The following PTPRN2 variants were observed in gnomAD, a reference collection of about 807,000 sequenced individuals.
PTPRN2 encodes receptor-type tyrosine-protein phosphatase N2.
In PTPRN2, 74 loss-of-function variants were observed where a neutral mutation model predicts 118.8. The ratio of observed to expected loss-of-function variants is 0.62; its 90% confidence interval spans 0.52 to 0.76. PTPRN2 has a LOEUF of 0.76. Ranked by LOEUF, PTPRN2 falls within the 30% of genes least tolerant of loss-of-function variation. The pLI, the probability that PTPRN2 is intolerant of heterozygous loss-of-function variation, is 0.00. For synonymous variants in PTPRN2, 641 were observed against 608.0 expected (o/e 1.05, Z -0.80); for missense variants, 1,481 against 1,394.4 (o/e 1.06, Z -0.99).
intron 2 of PTPRN2, among the ~76,000 whole-genome samples, chr7:158,341,565 C>A (rs370525690): frequency 1.7e-5 from 2 of 114,588 alleles, no homozygotes; most frequent in Admixed American, 9.4e-5. Flanking sequence ...TCACTCACAC[C>A]CACACTCTCA....
intron 6 of PTPRN2, among the ~76,000 whole-genome samples, chr7:158,150,861 T>C (rs1820947192): frequency 6.6e-6 from 1 of 151,994 alleles, no homozygotes; most frequent in Non-Finnish European, 1.5e-5. Context: ...TCCTTTCTGT[T>C]CTTCCAACCC....
In PTPRN2 at chr7:158,272,521, G is replaced by C. The variant is rs368272941; in HGVS notation, c.277+44298C>G. Reference sequence around the variant, plus strand: ...TTGCCCAGAAAATACAGTCTGCATGGAACTTCCACATCCCCTCACTCTCTA... The same window carrying C: ...TTGCCCAGAAAATACAGTCTGCATGCAACTTCCACATCCCCTCACTCTCTA... On this transcript the variant is annotated intron_variant, in intron 3 of 22. Coordinates refer to ENST00000389418, the MANE Select transcript of PTPRN2 (RefSeq NM_002847.5). Among the ~76,000 whole-genome samples the C allele has an allele frequency of 1.6e-4, 24 of 152,248 alleles. No individual in the cohort carries two copies. The East Asian group carries it at 2.5e-3, about 16-fold the overall frequency.
At position 157,613,237 on chromosome 7, in the gene PTPRN2, C is replaced by T. The variant is rs369572213; in HGVS notation, c.2344+8125G>A. Among the ~76,000 whole-genome samples, 13 of 152,374 alleles carry T rather than the reference C, an allele frequency of 8.5e-5. No individual in the cohort carries two copies. In the East Asian group the frequency reaches 1.9e-3, roughly 23 times the overall value. On this transcript the variant is annotated intron_variant, in intron 15 of 22. Transcript: ENST00000389418. ...CGAGGCCGTTTTCTGGGCTAAGCAG[C>T]GACGGCGCTAGGCGACTCCGCTTGT...
chr7:157,656,544 C>T lies in PTPRN2; in HGVS notation c.2009G>A (p.Cys670Tyr), dbSNP rs1806108175. 1 of 1,539,786 alleles carries T rather than the reference C, an allele frequency of 6.5e-7. No homozygotes were observed. The highest frequency in any genetic ancestry group is 1.9e-5 in the Admixed American group (1 of 51,862). The change falls in exon 14 of 23, where the codon TGC becomes TAC. Residue 670 changes from cysteine to tyrosine, a missense_variant. Physicochemically the swap from Cys to Tyr is radical, Grantham distance 194. This residue lies in a region of PTPRN2 where 1,115 missense variants were observed against 994.2 expected (regional missense o/e 1.12). Transcript: ENST00000389418. Reference sequence around the variant, plus strand: ...TGGCCGCGTGGCCATACGCTGGCGGCACAGCTCCTGCAGGACAGGGGGAGG... The same window carrying T: ...TGGCCGCGTGGCCATACGCTGGCGGTACAGCTCCTGCAGGACAGGGGGAGG... The part of the protein sequence containing the change: ...ADATAAYQEL[C>Y]RQRMATRPPD...
intron 12 of PTPRN2, among the ~76,000 whole-genome samples, chr7:157,875,449 C>T (rs141439892): frequency 7.7e-4 from 118 of 152,314 alleles, no homozygotes; most frequent in African/African-American, 2.7e-3. Context: ...GTGGCAGCCA[C>T]GGAAGCTGCA....
chr7:158,253,962 G>GCCA (rs1796862381), intron 3 of PTPRN2, among the ~76,000 whole-genome samples: 1 of 39,648 alleles, frequency 2.5e-5, no homozygotes, highest in Non-Finnish European at 4.3e-5. Context: ...GCAGCACAGA[G>GCCA]CCACTGCCCA....
At chr7:157,747,558 A>G (rs1241858893) in intron 12 of PTPRN2, among the ~76,000 whole-genome samples, 84 of 31,312 alleles carry the variant, frequency 2.7e-3, no homozygotes, top group East Asian at 5.6e-3. Context: ...TGGGCTGTTG[A>G]GGTGATTCTG....
Position 157,682,732 on chromosome 7 carries a change from G to A in PTPRN2, c.1994C>T (p.Ala665Val). ...GGDPGADATA[A>V]YQELCRQRMA... ...TAAAAAGTCTCCTCTTACCTGGTAGGCGGCAGTGGCATCTGCACCTGGGTC... is the reference window on the plus strand; with the variant it reads ...TAAAAAGTCTCCTCTTACCTGGTAGACGGCAGTGGCATCTGCACCTGGGTC... The change falls in exon 13 of 23, where the codon GCC (alanine) becomes GTC (valine). Residue 665 changes from alanine (A) to valine (V), a missense_variant. Around this residue, in one of 3 missense-constraint regions of PTPRN2, gnomAD observed 1,115 missense variants for 994.2 expected, o/e 1.12. Coordinates refer to ENST00000389418, the MANE Select transcript of PTPRN2 (RefSeq NM_002847.5). 1 of 1,613,212 alleles carries A rather than the reference G, an allele frequency of 6.2e-7. No homozygotes were observed. Among genetic ancestry groups the A allele is most frequent in the Non-Finnish European group, 8.5e-7 (1 of 1,179,506 alleles).
intron 5 of PTPRN2, among the ~76,000 whole-genome samples, chr7:158,180,002 T>TGCA (rs1271613834): frequency 6.6e-6 from 1 of 152,266 alleles, no homozygotes; most frequent in Admixed American, 6.5e-5. Flanking sequence ...AGCCTGGCTC[T>TGCA]GCAGGAGCAG....
rs188950116 is a variant in PTPRN2, at chr7:158,320,341, T to C, written c.164-3409A>G. Among the ~76,000 whole-genome samples the C allele has an allele frequency of 2.0e-4, 30 of 152,362 alleles. 1 individual carries two copies. In the South Asian group the frequency reaches 2.3e-3, roughly 12 times the overall value. On this transcript the variant is annotated intron_variant, in intron 2 of 22. Coordinates refer to ENST00000389418, the MANE Select transcript of PTPRN2 (RefSeq NM_002847.5). ...TTAGTTTTGTAGGAAACCGCCAAAC[T>C]GTCCTCCATGGTGACAATCAGACTA...
intron 2 of PTPRN2, among the ~76,000 whole-genome samples, chr7:158,407,814 C>T (rs1813718453): frequency 6.6e-6 from 1 of 152,342 alleles, no homozygotes. Context: ...CGATGTGGAA[C>T]CATCGCCGTG....
Position 157,856,644 on chromosome 7 carries a change from G to C in PTPRN2, c.1788+42029C>G, listed in dbSNP as rs1045698676. On this transcript the variant is annotated intron_variant, in intron 12 of 22. Transcript: ENST00000389418. ...GTCTCATTTTTATAAAATGGATAAA[G>C]TGACAAAATACATTAAACATACAAA... is the stretch of plus-strand genomic sequence containing the variant. Among the ~76,000 whole-genome samples the C allele has an allele frequency of 8.5e-5, 13 of 152,242 alleles. 1 individual carries two copies. Among genetic ancestry groups the C allele is most frequent in the Admixed American group, 6.5e-4 (10 of 15,290 alleles).
intron 10 of PTPRN2, among the ~76,000 whole-genome samples, chr7:158,103,164 G>C (rs1467377786): frequency 6.6e-6 from 1 of 152,174 alleles, no homozygotes; most frequent in South Asian, 2.1e-4. Flanking sequence ...CTTACCACCT[G>C]TGGCCTCATC....
intron 14 of PTPRN2, among the ~76,000 whole-genome samples, chr7:157,650,162 T>C (rs933678092): frequency 2.0e-5 from 3 of 152,150 alleles, no homozygotes; most frequent in African/African-American, 7.2e-5. Context: ...AGCTTTCCCC[T>C]TCCCTGCTGG....
chr7:157,741,017 C>A (rs1800604553), intron 12 of PTPRN2, among the ~76,000 whole-genome samples: 1 of 152,134 alleles, frequency 6.6e-6, no homozygotes. Flanking sequence ...ATAAACTCTC[C>A]ATTTCAGATG....
At chr7:158,308,918 G>A (rs7811631) in intron 3 of PTPRN2, among the ~76,000 whole-genome samples, 142,618 of 152,168 alleles carry the variant, frequency 0.94, 66,896 homozygotes, top group Non-Finnish European at 0.96. Flanking sequence ...AACTACTGAA[G>A]CTGACTCAAG....
At chr7:157,600,216 C>T (rs1332778820) in intron 16 of PTPRN2, among the ~76,000 whole-genome samples, 1 of 146,532 alleles carries the variant, frequency 6.8e-6, no homozygotes, top group Non-Finnish European at 1.5e-5. Context: ...CACCTCTCCA[C>T]CTGCCCACCT....
rs78334516 is a variant in PTPRN2, at chr7:158,076,971, G to A, written c.1723+4327C>T. Among the ~76,000 whole-genome samples the A allele has an allele frequency of 4.5e-3, 687 of 152,342 alleles. 13 individuals are homozygous for A. The East Asian group carries it at 0.072, about 16-fold the overall frequency. On this transcript the variant is annotated intron_variant, in intron 11 of 22. Transcript: ENST00000389418. ...GAAGCACCGATGCCTGCCTGGGGTC[G>A]ATAGTTAAGGCTGGCTGGATTGTAA...
intron 3 of PTPRN2, among the ~76,000 whole-genome samples, chr7:158,245,426 C>T (rs1339765324): frequency 6.6e-6 from 1 of 152,218 alleles, no homozygotes; most frequent in East Asian, 1.9e-4. Context: ...CAGGAATGCG[C>T]GGCCTGTTGA....
Sources: allele counts gnomAD v4.1 joint callset (sites outside exome capture counted in the v4.1 genomes callset), GRCh38; gene constraint gnomAD v4.1.1; regional missense constraint gnomAD v4.1.1; transcripts MANE v1.5; gene names NCBI Gene and HGNC (gene_info 2026-07-23, HGNC 2026-07-21).